Variants in NELL1 observed in about 807,000 individuals in gnomAD.
The protein encoded by NELL1 is neural EGFL like 1.
Under a neutral mutation model 107.4 loss-of-function variants are expected in NELL1, and 76 were observed. That is an observed-to-expected ratio of 0.71 (90% CI 0.59 to 0.86). NELL1 has a LOEUF of 0.86. Ranked by LOEUF, NELL1 falls within the 40% of genes least tolerant of loss-of-function variation. The pLI is 0.00. For missense variants in NELL1, 1,024 were observed against 1,005.5 expected (o/e 1.02, Z -0.25); for synonymous variants, 353 against 341.2 (o/e 1.03, Z -0.38).
Position 21,342,518 on chromosome 11 carries a change from C to A in NELL1, c.1550-28335C>A, listed in dbSNP as rs547166852. Among the ~76,000 whole-genome samples, 36 of 151,446 alleles carry A rather than the reference C, an allele frequency of 2.4e-4. 1 individual carries two copies. The highest frequency in any genetic ancestry group is 8.0e-4 in the African/African-American group (33 of 41,162). On this transcript the variant is annotated intron_variant, in intron 14 of 19. Coordinates refer to ENST00000357134, the MANE Select transcript of NELL1 (RefSeq NM_006157.5). ...AAATTAGCAGGCATGGTGGCATGTG[C>A]CTGTAGTTACAGCTACCTGGGAGAC...
intron 4 of NELL1, among the ~76,000 whole-genome samples, chr11:20,859,295 G>T (rs1353776491): frequency 6.6e-6 from 1 of 152,206 alleles, no homozygotes; most frequent in Admixed American, 6.5e-5. Flanking sequence ...TAGCTGATCA[G>T]TTGGTCTTTA....
intron 14 of NELL1, among the ~76,000 whole-genome samples, chr11:21,246,439 C>T (rs979443972): frequency 6.6e-6 from 1 of 152,058 alleles, no homozygotes; most frequent in Non-Finnish European, 1.5e-5. Context: ...CGAGCATGGA[C>T]ATGGATCTAA....
chr11:20,945,379 G>A (rs757190185), intron 10 of NELL1, among the ~76,000 whole-genome samples: 11 of 152,328 alleles, frequency 7.2e-5, no homozygotes, highest in South Asian at 2.1e-4. Flanking sequence ...TGGGTCATAC[G>A]CATGGGAGTT....
intron 15 of NELL1, among the ~76,000 whole-genome samples, chr11:21,393,171 G>A (rs1851916375): frequency 6.6e-6 from 1 of 151,682 alleles, no homozygotes; most frequent in Non-Finnish European, 1.5e-5. Flanking sequence ...GGACCATCAA[G>A]ATGCCACAGA....
chr11:21,305,797 A>G (rs1274421029), intron 14 of NELL1, among the ~76,000 whole-genome samples: 1 of 152,114 alleles, frequency 6.6e-6, no homozygotes, highest in South Asian at 2.1e-4. Flanking sequence ...ATATTATTCT[A>G]TTTTGAACAA....
intron 13 of NELL1, among the ~76,000 whole-genome samples, chr11:21,128,871 C>G (rs1168130635): frequency 1.3e-5 from 2 of 152,192 alleles, no homozygotes; most frequent in Non-Finnish European, 2.9e-5. Flanking sequence ...GTTGGAACAG[C>G]TTACAGCTTT....
chr11:20,812,627 A>G lies in NELL1; in HGVS notation c.335+28797A>G, dbSNP rs113289732. Among the ~76,000 whole-genome samples the G allele has an allele frequency of 8.6e-3, 1,304 of 152,344 alleles. 20 individuals carry two copies. Among genetic ancestry groups the G allele is most frequent in the African/African-American group, 0.03 (1,250 of 41,576 alleles). ...TAGTTGTGCAAATAATTAATTTAGC[A>G]TGCTGGCATTTATGTTGTTAATTAA... is the stretch of plus-strand genomic sequence containing the variant. On this transcript the variant is annotated intron_variant, in intron 3 of 19. Transcript: ENST00000357134.
chr11:20,961,711 A>G (rs1324211544), intron 12 of NELL1, among the ~76,000 whole-genome samples: 2 of 152,126 alleles, frequency 1.3e-5, no homozygotes, highest in Admixed American at 1.3e-4. Flanking sequence ...TACAGAATTC[A>G]TGGGATGCAA....
At chr11:21,063,293 G>A (rs35728001) in intron 12 of NELL1, among the ~76,000 whole-genome samples, 32,330 of 152,064 alleles carry the variant, frequency 0.21, 3,737 homozygotes, top group East Asian at 0.3. Flanking sequence ...GCACACTGAG[G>A]TGTTCACCAA....
At chr11:21,355,955 A>G (rs1385233843) in intron 14 of NELL1, among the ~76,000 whole-genome samples, 1 of 151,998 alleles carries the variant, frequency 6.6e-6, no homozygotes, top group Non-Finnish European at 1.5e-5. Flanking sequence ...TGCCTGGAAC[A>G]TTCTTTGCTT....
At chr11:21,236,561 CTATTT>C (rs1340623883) in intron 14 of NELL1, among the ~76,000 whole-genome samples, 1 of 152,058 alleles carries the variant, frequency 6.6e-6, no homozygotes, top group Non-Finnish European at 1.5e-5. Flanking sequence ...AAAATTTATT[CTATTT>C]TATGTTTAAT....
chr11:21,103,245 A>G (rs1049130094), intron 12 of NELL1, among the ~76,000 whole-genome samples: 1 of 152,194 alleles, frequency 6.6e-6, no homozygotes, highest in Admixed American at 6.5e-5. Flanking sequence ...TCTGGCACCA[A>G]ATCATTTATT....
At chr11:20,678,314 T>C (rs115103743) in intron 2 of NELL1, among the ~76,000 whole-genome samples, 2,039 of 152,226 alleles carry the variant, frequency 0.013, 38 homozygotes, top group African/African-American at 0.047. Flanking sequence ...TGGGATGGAT[T>C]TATAACATAC....
At chr11:21,419,373 T>A (rs529231632) in intron 15 of NELL1, among the ~76,000 whole-genome samples, 1 of 152,302 alleles carries the variant, frequency 6.6e-6, no homozygotes, top group South Asian at 2.1e-4. Flanking sequence ...TCAGTTATTA[T>A]GGAAACCGTC....
chr11:21,572,588 G>A (rs769474757), intron 18 of NELL1, among the ~76,000 whole-genome samples: 2 of 151,814 alleles, frequency 1.3e-5, no homozygotes, highest in Non-Finnish European at 2.9e-5. Flanking sequence ...ACAGATGCCA[G>A]ATGCTGAGAC....
rs140948243 is a variant in NELL1 at position 21,513,269 on chromosome 11, G to C, written c.1646-21105G>C. On this transcript the variant is annotated intron_variant, in intron 15 of 19. Transcript: ENST00000357134. ...GCCTGTGAAATAATACCTGAGTAAG[G>C]GGAAGAAAAGCCAAATGCAAACTGT... Among the ~76,000 whole-genome samples the C allele has an allele frequency of 8.1e-4, 124 of 152,262 alleles. 1 individual carries two copies. The highest frequency in any genetic ancestry group is 4.6e-3 in the South Asian group (22 of 4,822).
intron 12 of NELL1, among the ~76,000 whole-genome samples, chr11:20,974,286 T>C (rs915340426): frequency 6.6e-6 from 1 of 152,190 alleles, no homozygotes; most frequent in Non-Finnish European, 1.5e-5. Context: ...TGTCAGGCAT[T>C]GTGCTAATCA....
chr11:21,560,586 G>A (rs191268678), intron 17 of NELL1, among the ~76,000 whole-genome samples: 44 of 152,124 alleles, frequency 2.9e-4, no homozygotes, highest in African/African-American at 9.9e-4. Context: ...TGGAAAGTGA[G>A]GTATGAGATT....
At chr11:21,554,688 T>C (rs541907610) in intron 16 of NELL1, among the ~76,000 whole-genome samples, 1 of 152,036 alleles carries the variant, frequency 6.6e-6, no homozygotes, top group Admixed American at 6.6e-5. Flanking sequence ...TATCGTTATG[T>C]ATTTACCCAA....
Sources: allele counts gnomAD v4.1 joint callset (sites outside exome capture counted in the v4.1 genomes callset), GRCh38; gene constraint gnomAD v4.1.1; transcripts MANE v1.5; gene names NCBI Gene and HGNC (gene_info 2026-07-23, HGNC 2026-07-21).